The following PODXL variants were observed in gnomAD, a reference collection of about 807,000 sequenced individuals.
PODXL encodes podocalyxin like.
Under a neutral mutation model 48.9 loss-of-function variants are expected in PODXL, and 20 were observed. That is an observed-to-expected ratio of 0.41 (90% CI 0.29 to 0.59). PODXL has a LOEUF of 0.59. PODXL is among the 20% of genes least tolerant of loss of function. The pLI, the probability that PODXL is intolerant of heterozygous loss-of-function variation, is 0.31. For synonymous variants in PODXL, 295 were observed against 287.4 expected (o/e 1.03, Z -0.27); for missense variants, 606 against 675.1 (o/e 0.90, Z 1.13).
At chr7:131,514,081 C>G (rs1355603664) in intron 1 of PODXL, among the ~76,000 whole-genome samples, 1 of 152,134 alleles carries the variant, frequency 6.6e-6, no homozygotes, top group Non-Finnish European at 1.5e-5. Flanking sequence ...GGCCCAGTGG[C>G]TGCTGCCAGA....
In PODXL at chr7:131,505,661, A is replaced by C. The variant is rs571493127; in HGVS notation, c.1479+207T>G. ...AATAAAAAATAAATAAGTCTTCCCG[A>C]CTCCAAAGCCCACGCTCTGTCCTCT... On this transcript the variant is annotated intron_variant, in intron 8 of 8. Transcript: ENST00000378555. Among the ~76,000 whole-genome samples the C allele has an allele frequency of 2.0e-5, 3 of 152,196 alleles. No individual in the cohort carries two copies. The East Asian group carries it at 5.8e-4, about 29-fold the overall frequency.
intron 1 of PODXL, among the ~76,000 whole-genome samples, chr7:131,519,965 T>C (rs984408794): frequency 2.6e-5 from 4 of 152,136 alleles, no homozygotes; most frequent in Non-Finnish European, 4.4e-5. Flanking sequence ...GCTCAAGGGA[T>C]CCATCTGCCT....
intron 8 of PODXL, 23 bp from the exon 9 acceptor site, chr7:131,504,531 T>A: frequency 6.2e-7 from 1 of 1,607,732 alleles, no homozygotes; most frequent in Non-Finnish European, 8.5e-7. Context: ...AGGTGACCGG[T>A]GAGAAGGGGG....
At chr7:131,538,656 G>T (rs967705030) in intron 1 of PODXL, among the ~76,000 whole-genome samples, 1 of 152,054 alleles carries the variant, frequency 6.6e-6, no homozygotes, top group African/African-American at 2.4e-5. Flanking sequence ...AGATTCCTGC[G>T]TCGCCACTCC....
intron 1 of PODXL, among the ~76,000 whole-genome samples, chr7:131,552,659 G>A (rs1177095961): frequency 6.6e-6 from 1 of 152,144 alleles, no homozygotes; most frequent in Admixed American, 6.5e-5. Flanking sequence ...CTGACACCAG[G>A]TGCTTTTGGG....
chr7:131,549,958 G>A (rs1003556752), intron 1 of PODXL, among the ~76,000 whole-genome samples: 8 of 152,258 alleles, frequency 5.3e-5, no homozygotes, highest in African/African-American at 1.9e-4. Flanking sequence ...TCTTAGCTGA[G>A]GGTCTGTGCT....
At chr7:131,515,113 A>T (rs976534284) in intron 1 of PODXL, among the ~76,000 whole-genome samples, 6 of 152,172 alleles carry the variant, frequency 3.9e-5, no homozygotes, top group African/African-American at 1.4e-4. Flanking sequence ...ACCATGAAAA[A>T]TGTCTCCAGA....
At chr7:131,512,994 CAA>C (rs60701480) in intron 1 of PODXL, among the ~76,000 whole-genome samples, 6 of 95,808 alleles carry the variant, frequency 6.3e-5, no homozygotes, top group African/African-American at 1.3e-4. Context: ...GACTCCGTCT[CAA>C]AAAAAAAAAA....
At chr7:131,547,905 ACTCAC>A (rs1798608615) in intron 1 of PODXL, among the ~76,000 whole-genome samples, 2 of 152,092 alleles carry the variant, frequency 1.3e-5, no homozygotes, top group Non-Finnish European at 2.9e-5. Context: ...TTGGCCCTGC[ACTCAC>A]CTGCTCTGAG....
chr7:131,550,166 T>C (rs1160127228), intron 1 of PODXL, among the ~76,000 whole-genome samples: 1 of 152,220 alleles, frequency 6.6e-6, no homozygotes, highest in Non-Finnish European at 1.5e-5. Flanking sequence ...CCTCAGCCAG[T>C]GGGCCAGTGG....
intron 8 of PODXL, 83 bp from the exon 9 acceptor site, chr7:131,504,591 T>C: frequency 8.8e-7 from 1 of 1,135,726 alleles, no homozygotes; most frequent in Non-Finnish European, 1.3e-6. Flanking sequence ...CCCCTCCCAC[T>C]CAGGAGCCCC....
intron 1 of PODXL, among the ~76,000 whole-genome samples, chr7:131,547,259 G>A (rs1798594310): frequency 6.7e-6 from 1 of 150,230 alleles, no homozygotes; most frequent in Non-Finnish European, 1.5e-5. Context: ...TGTAATTCCA[G>A]CTACCCCAGA....
At chr7:131,520,401 G>A (rs1798073151) in intron 1 of PODXL, 1 of 371,764 alleles carries the variant, frequency 2.7e-6, no homozygotes, top group South Asian at 2.6e-5. Context: ...GGTTGTCCAG[G>A]AAACAGAATG....
At chr7:131,546,256 T>A (rs1203780364) in intron 1 of PODXL, among the ~76,000 whole-genome samples, 1 of 152,112 alleles carries the variant, frequency 6.6e-6, no homozygotes, top group Non-Finnish European at 1.5e-5. Context: ...AAAGGGAGAC[T>A]GGGATCCCAG....
At chr7:131,537,064 T>C (rs574927474) in intron 1 of PODXL, among the ~76,000 whole-genome samples, 269 of 152,202 alleles carry the variant, frequency 1.8e-3, no homozygotes, top group Non-Finnish European at 3.0e-3. Context: ...AGGTGGAGGC[T>C]GCAGTGAGCC....
chr7:131,517,296 A>C (rs2116805336), intron 1 of PODXL, among the ~76,000 whole-genome samples: 1 of 152,286 alleles, frequency 6.6e-6, no homozygotes, highest in African/African-American at 2.4e-5. Context: ...TAGTGATCGC[A>C]ATGGTCTAAC....
chr7:131,547,247 C>T (rs1328316538), intron 1 of PODXL, among the ~76,000 whole-genome samples: 1 of 151,924 alleles, frequency 6.6e-6, no homozygotes, highest in Non-Finnish European at 1.5e-5. Flanking sequence ...GTGGTGCATG[C>T]CTGTAATTCC....
intron 1 of PODXL, among the ~76,000 whole-genome samples, chr7:131,541,097 CCCCAGGCAAAAT>C (rs1389469918): frequency 6.6e-6 from 1 of 152,186 alleles, no homozygotes; most frequent in Non-Finnish European, 1.5e-5. Flanking sequence ...AGGGCACGTT[CCCCAGGCAAAAT>C]CCCAGACTAA....
At chr7:131,523,892 G>A (rs975317132) in intron 1 of PODXL, among the ~76,000 whole-genome samples, 7 of 150,174 alleles carry the variant, frequency 4.7e-5, no homozygotes, top group South Asian at 2.1e-4. Flanking sequence ...TCCGCCTCCC[G>A]GGTTCAAGCA....
Sources: allele counts gnomAD v4.1 joint callset (sites outside exome capture counted in the v4.1 genomes callset), GRCh38; gene constraint gnomAD v4.1.1; transcripts MANE v1.5; gene names NCBI Gene and HGNC (gene_info 2026-07-23, HGNC 2026-07-21).